The following PCDHGB1 variants were observed in gnomAD, a reference collection of about 807,000 sequenced individuals.
PCDHGB1 encodes the protein protocadherin gamma subfamily B, 1, also known as protocadherin gamma-B1.
A neutral mutation model predicts 56.6 loss-of-function variants in PCDHGB1; 34 were observed. The observed-to-expected ratio is 0.60, with a 90% CI of 0.46 to 0.80. The LOEUF (loss-of-function observed/expected upper bound fraction) is 0.80, where lower values mean the gene tolerates loss of function less well. PCDHGB1 is among the 30% of genes least tolerant of loss of function. PCDHGB1 has a pLI of 0.00. For synonymous variants in PCDHGB1, 561 were observed against 505.9 expected, an observed-to-expected ratio of 1.11 and a Z score of -1.46; for missense variants, 1,278 against 1,204.6, an observed-to-expected ratio of 1.06 and a Z score of -0.90.
At chr5:141,426,116 G>A (rs1324245739) in intron 1 of PCDHGB1, among the ~76,000 whole-genome samples, 3 of 152,232 alleles carry the variant, frequency 2.0e-5, no homozygotes, top group African/African-American at 7.2e-5. Context: ...AAGCAAGTCG[G>A]AGAGTGGCCA....
intron 1 of PCDHGB1, chr5:141,365,006 A>ACG: frequency 4.3e-6 from 7 of 1,613,882 alleles, no homozygotes; most frequent in Non-Finnish European, 5.9e-6. Flanking sequence ...CTCCGGCACC[A>ACG]CGCACATCCG....
At chr5:141,364,509 C>T (rs1482984712) in intron 1 of PCDHGB1, 2 of 1,613,942 alleles carry the variant, frequency 1.2e-6, no homozygotes, top group South Asian at 1.1e-5. Flanking sequence ...CAGGAGCTGG[C>T]GGAGCGCGGA....
intron 1 of PCDHGB1, chr5:141,416,047 A>T (rs2095986655): frequency 1.6e-5 from 3 of 187,858 alleles, no homozygotes; most frequent in Non-Finnish European, 3.2e-5. Context: ...TGGAAACACA[A>T]CCCAAATCCA....
intron 1 of PCDHGB1, among the ~76,000 whole-genome samples, chr5:141,458,829 C>T (rs2098954599): frequency 6.6e-6 from 1 of 152,108 alleles, no homozygotes; most frequent in Non-Finnish European, 1.5e-5. Context: ...GCCTCCCAGG[C>T]TCAAGTGATC....
intron 1 of PCDHGB1, chr5:141,414,330 G>T: frequency 6.2e-7 from 1 of 1,613,714 alleles, no homozygotes; most frequent in Non-Finnish European, 8.5e-7. Flanking sequence ...AGAATGGACA[G>T]GTAACCTGTT....
At chr5:141,366,306 C>T (rs762823069) in intron 1 of PCDHGB1, 63 of 1,613,658 alleles carry the variant, frequency 3.9e-5, no homozygotes, top group Non-Finnish European at 4.7e-5. Context: ...GCCACCTTCA[C>T]GGTCACCGTT....
In PCDHGB1 at chr5:141,490,000, A is replaced by G. The variant is rs762999106; in HGVS notation, c.2410-4807A>G. The G allele has an allele frequency of 6.2e-7, 1 of 1,614,198 alleles. No individual in the cohort carries two copies. Among genetic ancestry groups the G allele is most frequent in the Admixed American group, 1.7e-5 (1 of 60,032 alleles). ...AGTTCTACGTGTGGGAATCCCAGAG[A>G]ATGCACCCATTGGTACTCTGCTGCT... On this transcript the variant is annotated intron_variant, in intron 1 of 3. Coordinates refer to ENST00000523390, the MANE Select transcript of PCDHGB1 (RefSeq NM_018922.3). The surrounding 1 kb of genome is among the most constrained non-coding windows in gnomAD (Gnocchi z 4.5).
intron 1 of PCDHGB1, among the ~76,000 whole-genome samples, chr5:141,488,463 C>T (rs926068842): frequency 6.6e-6 from 1 of 152,164 alleles, no homozygotes; most frequent in African/African-American, 2.4e-5. Flanking sequence ...GATTCAGCCC[C>T]AGAAATGTTC....
chr5:141,492,911 G>A (rs1008138353), intron 1 of PCDHGB1, among the ~76,000 whole-genome samples: 1 of 152,216 alleles, frequency 6.6e-6, no homozygotes, highest in Admixed American at 6.5e-5. Context: ...TGATCACAAT[G>A]TGCCCAGCGA....
At chr5:141,407,873 A>C (rs561323423) in intron 1 of PCDHGB1, 1 of 354,804 alleles carries the variant, frequency 2.8e-6, no homozygotes, top group African/African-American at 2.1e-5. Flanking sequence ...CGAAGAATAT[A>C]TACATTTCGG....
chr5:141,432,997 G>A lies in PCDHGB1; in HGVS notation c.2410-61810G>A, dbSNP rs778828769. ...CGCACTTTGTGGGCGTGGACGGGGT[G>A]CAGGCTTTCCTGCAGACCTATTCCC... is the stretch of plus-strand genomic sequence containing the variant. On this transcript the variant is annotated intron_variant, in intron 1 of 3. Coordinates refer to ENST00000523390, the MANE Select transcript of PCDHGB1 (RefSeq NM_018922.3). This position sits in a 1 kb window ranked among gnomAD's most constrained non-coding sequence, Gnocchi z 6.0. 5 of 1,614,082 alleles carry A rather than the reference G, an allele frequency of 3.1e-6. No homozygotes were observed. In the Admixed American group the frequency reaches 8.3e-5, roughly 27 times the overall value.
rs1345224043 is a variant in PCDHGB1, at chr5:141,487,695, C to G, written c.2410-7112C>G. Reference sequence around the variant, plus strand: ...TGGCTAGGCCATGTCCTAGAGAGTACTGGCCTCTCAGTAAGTGCCCATAGT... The same window carrying G: ...TGGCTAGGCCATGTCCTAGAGAGTAGTGGCCTCTCAGTAAGTGCCCATAGT... On this transcript the variant is annotated intron_variant, in intron 1 of 3. Transcript: ENST00000523390. The surrounding 1 kb of genome is among the most constrained non-coding windows in gnomAD (Gnocchi z 5.0). 1 of 1,601,306 alleles carries G rather than the reference C, an allele frequency of 6.2e-7. No individual in the cohort carries two copies.
At chr5:141,500,822 T>A (rs1377955680) in intron 2 of PCDHGB1, among the ~76,000 whole-genome samples, 1 of 152,240 alleles carries the variant, frequency 6.6e-6, no homozygotes, top group African/African-American at 2.4e-5. Context: ...TACATATTAT[T>A]TTTCTAATGC....
intron 1 of PCDHGB1, among the ~76,000 whole-genome samples, chr5:141,459,221 G>A (rs1028895845): frequency 9.2e-5 from 14 of 152,154 alleles, no homozygotes; most frequent in African/African-American, 3.1e-4. Flanking sequence ...TCCAGCTCCA[G>A]GCAACAACTG....
chr5:141,397,841 C>A (rs996938995), intron 1 of PCDHGB1: 31 of 520,424 alleles, frequency 6.0e-5, no homozygotes, highest in Middle Eastern at 4.9e-4. Context: ...AACTTGAAGC[C>A]GCAGAGGCTG....
rs770788893 is a variant in PCDHGB1 at position 141,403,151 on chromosome 5, G to T, written c.2409+50482G>T. On this transcript the variant is annotated intron_variant, in intron 1 of 3. Coordinates refer to ENST00000523390, the MANE Select transcript of PCDHGB1 (RefSeq NM_018922.3). ...GCTGGCGGAGCGCCGAGTCCGCATC[G>T]TCTCTAGAGGTAGGACGCAGCTTTT... 1.3e-5 allele frequency: 21 copies of T among 1,613,914 alleles called. No individual in the cohort carries two copies. In the Admixed American group the frequency reaches 3.5e-4, roughly 27 times the overall value.
At position 141,360,903 on chromosome 5, in the gene PCDHGB1, G is replaced by A. The variant is rs752031820; in HGVS notation, c.2409+8234G>A. ...GGGTCACCCTGAGGGAGGACGTGCC[G>A]CCGGGCTTCTTTGTGCTTCAAGTGA... On this transcript the variant is annotated intron_variant, in intron 1 of 3. Coordinates refer to ENST00000523390, the MANE Select transcript of PCDHGB1 (RefSeq NM_018922.3). 3 of 1,614,034 alleles carry A rather than the reference G, an allele frequency of 1.9e-6. No homozygotes were observed. In the Admixed American group the frequency reaches 5.0e-5, roughly 27 times the overall value.
At chr5:141,413,124 AAC>A in intron 1 of PCDHGB1, 2 of 1,528,020 alleles carry the variant, frequency 1.3e-6, no homozygotes, top group Non-Finnish European at 1.8e-6. Flanking sequence ...AACCGGTTGA[AAC>A]ACACAACGTG....
chr5:141,463,590 A>G (rs975534405), intron 1 of PCDHGB1, among the ~76,000 whole-genome samples: 3 of 151,848 alleles, frequency 2.0e-5, no homozygotes, highest in African/African-American at 7.3e-5. Flanking sequence ...CTGGGACTAC[A>G]GGTGCCTGCC....
Sources: allele counts gnomAD v4.1 joint callset (sites outside exome capture counted in the v4.1 genomes callset), GRCh38; gene constraint gnomAD v4.1.1; non-coding constraint Gnocchi (gnomAD v3.1); transcripts MANE v1.5; gene names NCBI Gene and HGNC (gene_info 2026-07-23, HGNC 2026-07-21).